The following PCDH17 variants were observed in gnomAD, a reference collection of about 807,000 sequenced individuals.
The protein encoded by PCDH17 is protocadherin 17.
Under a neutral mutation model 67.7 loss-of-function variants are expected in PCDH17, and 21 were observed. The observed-to-expected ratio is 0.31, with a 90% confidence interval of 0.22 to 0.45. PCDH17 has a LOEUF of 0.45. Ranked by LOEUF, PCDH17 falls within the 20% of genes least tolerant of loss-of-function variation. The pLI is 1.00. For synonymous variants in PCDH17, 701 were observed against 656.7 expected, an observed-to-expected ratio of 1.07 and a Z score of -1.03; for missense variants, 1,471 against 1,564.8, an observed-to-expected ratio of 0.94 and a Z score of 1.01.
chr13:57,650,604 G>A (rs921096327), intron 1 of PCDH17, among the ~76,000 whole-genome samples: 3 of 151,980 alleles, frequency 2.0e-5, no homozygotes, highest in Non-Finnish European at 2.9e-5. Flanking sequence ...ATTTGTCTTT[G>A]AGTTTAATTT....
intron 1 of PCDH17, among the ~76,000 whole-genome samples, chr13:57,636,388 G>T (rs1165180170): frequency 6.6e-6 from 1 of 152,054 alleles, no homozygotes; most frequent in African/African-American, 2.4e-5. Context: ...ACTCAATAAT[G>T]TTTTTATTGT....
At position 57,635,026 on chromosome 13, in the gene PCDH17, A is replaced by G. The variant is rs1234692693; in HGVS notation, c.2480A>G (p.Gln827Arg). The G allele has an allele frequency of 1.9e-6, 3 of 1,613,254 alleles. No individual in the cohort carries two copies. The Admixed American group carries it at 5.0e-5, about 27-fold the overall frequency. Residue 827 changes from glutamine (Q) to arginine (R), a missense_variant, in exon 1 of 4, where the codon CAG becomes CGG. Physicochemically the swap from Gln to Arg is conservative, Grantham distance 43 (BLOSUM62 1). Transcript: ENST00000377918. The stretch of plus-strand genomic sequence containing the variant: ...GCCTCCAACAACCTGACTGTCCCTC[A>G]GGGGCACGCGGGCTGCCACACCAGC... ...KPASNNLTVPQGHAGCHTSFT... is the reference protein window; with the variant it reads ...KPASNNLTVPRGHAGCHTSFT...
intron 3 of PCDH17, among the ~76,000 whole-genome samples, chr13:57,689,876 T>A (rs1955541870): frequency 6.6e-6 from 1 of 151,850 alleles, no homozygotes; most frequent in Admixed American, 6.6e-5. Flanking sequence ...TAATTACTTT[T>A]ATAATAGGCT....
chr13:57,656,133 T>C (rs1387140144), intron 1 of PCDH17, among the ~76,000 whole-genome samples: 1 of 152,086 alleles, frequency 6.6e-6, no homozygotes, highest in Non-Finnish European at 1.5e-5. Context: ...TTGAGAAGAA[T>C]GAATAATAAA....
At position 57,698,053 on chromosome 13, in the gene PCDH17, G is replaced by A. The variant is rs567989763; in HGVS notation, c.2798-26559G>A. Among the ~76,000 whole-genome samples, 4 of 151,590 alleles carry A rather than the reference G, an allele frequency of 2.6e-5. No individual in the cohort carries two copies. The East Asian group carries it at 7.8e-4, about 29-fold the overall frequency. On this transcript the variant is annotated intron_variant, in intron 3 of 3. Coordinates refer to ENST00000377918, the MANE Select transcript of PCDH17 (RefSeq NM_001040429.3). ...CAATGATAGTGAAAATTCATGCCTT[G>A]AAAAAGCCAGTATACATATGGTGTA...
chr13:57,690,591 C>T (rs61961889), intron 3 of PCDH17, among the ~76,000 whole-genome samples: 1 of 151,130 alleles, frequency 6.6e-6, no homozygotes, highest in Non-Finnish European at 1.5e-5. Context: ...AAATTATGCA[C>T]CTGAAACTAA....
Position 57,651,837 on chromosome 13 carries a change from ATAT to A in PCDH17, c.2566-14623_2566-14621del, listed in dbSNP as rs547994344. Among the ~76,000 whole-genome samples, 826 of 152,254 alleles carry A rather than the reference ATAT, an allele frequency of 5.4e-3. 10 individuals are homozygous for A. Among genetic ancestry groups the A allele is most frequent in the African/African-American group, 0.017 (694 of 41,554 alleles). On this transcript the variant is annotated intron_variant, in intron 1 of 3. Coordinates refer to ENST00000377918, the MANE Select transcript of PCDH17 (RefSeq NM_001040429.3). ...ATAAATACTAAATACATATTAACACATATTATTATTGTTGTTAAAAGCAAATTA... is the reference window on the plus strand; with the variant it reads ...ATAAATACTAAATACATATTAACACATATTATTGTTGTTAAAAGCAAATTA...
chr13:57,675,280 C>A (rs771090351), intron 3 of PCDH17, among the ~76,000 whole-genome samples: 2 of 151,914 alleles, frequency 1.3e-5, no homozygotes, highest in Non-Finnish European at 2.9e-5. Flanking sequence ...ATCTCTATTT[C>A]TCTTATTTGT....
At chr13:57,724,579 A>G in intron 3 of PCDH17, 33 bp from the exon 4 acceptor site, 1 of 1,556,718 alleles carries the variant, frequency 6.4e-7, no homozygotes. Flanking sequence ...AACTCTAATG[A>G]TTGGATTTGC....
chr13:57,688,108 A>G (rs1955524731), intron 3 of PCDH17, among the ~76,000 whole-genome samples: 1 of 151,750 alleles, frequency 6.6e-6, no homozygotes, highest in South Asian at 2.1e-4. Context: ...TAAAACCTTT[A>G]GAAGTCATGG....
chr13:57,724,833 G>A lies in PCDH17; in HGVS notation c.3019G>A (p.Glu1007Lys). 6.2e-7 allele frequency: 1 copy of A among 1,614,172 alleles called. No individual in the cohort carries two copies. The highest frequency in any genetic ancestry group is 1.3e-5 in the African/African-American group (1 of 75,046). Reference sequence around the variant, plus strand: ...TTGTACATTTGGAAAAGACAAGCGAGAGCACACTATTCTCATTGCCAACGT... The same window carrying A: ...TTGTACATTTGGAAAAGACAAGCGAAAGCACACTATTCTCATTGCCAACGT... ...TFCTFGKDKR[E>K]HTILIANVKP... Residue 1007 changes from glutamate (E) to lysine (K), a missense_variant, in exon 4 of 4, where the codon GAG (glutamate) becomes AAG (lysine). Physicochemically the swap from Glu to Lys is moderately conservative, Grantham distance 56 (BLOSUM62 1). Transcript: ENST00000377918.
chr13:57,705,732 T>C (rs938905686), intron 3 of PCDH17, among the ~76,000 whole-genome samples: 1 of 151,720 alleles, frequency 6.6e-6, no homozygotes, highest in Non-Finnish European at 1.5e-5. Context: ...TAAGCAAAAA[T>C]AGGGTAGGCA....
intron 3 of PCDH17, among the ~76,000 whole-genome samples, chr13:57,690,228 T>C (rs1409115913): frequency 6.6e-6 from 1 of 151,754 alleles, no homozygotes; most frequent in Non-Finnish European, 1.5e-5. Context: ...TCCATATTCA[T>C]GCTGGGTTTT....
chr13:57,661,014 T>C (rs1955175866), intron 1 of PCDH17, among the ~76,000 whole-genome samples: 1 of 152,116 alleles, frequency 6.6e-6, no homozygotes, highest in African/African-American at 2.4e-5. Flanking sequence ...TTTTTTAGGG[T>C]ATATCCCTAG....
At chr13:57,710,510 A>C (rs535721524) in intron 3 of PCDH17, among the ~76,000 whole-genome samples, 1 of 152,008 alleles carries the variant, frequency 6.6e-6, no homozygotes, top group South Asian at 2.1e-4. Flanking sequence ...ATCTTGGAAA[A>C]CACATTAACA....
Position 57,633,722 on chromosome 13 carries a change from A to C in PCDH17, c.1176A>C (p.Leu392=). ...GKNGQLQCRV[L]GGGGTGGGGG... ...ACGGACAGCTGCAGTGTCGGGTCCT[A>C]GGCGGAGGAGGGACGGGCGGCGGCG... is the stretch of plus-strand genomic sequence containing the variant. Residue 392 remains leucine (L), a synonymous_variant, in exon 1 of 4, where the codon CTA becomes CTC. Transcript: ENST00000377918. The surrounding 1 kb of genome is among the most constrained non-coding windows in gnomAD (Gnocchi z 6.2). 6.3e-7 allele frequency: 1 copy of C among 1,587,878 alleles called. No homozygotes were observed. Among genetic ancestry groups the C allele is most frequent in the South Asian group, 1.1e-5 (1 of 90,530 alleles).
chr13:57,681,629 A>T (rs569209785), intron 3 of PCDH17, among the ~76,000 whole-genome samples: 1 of 151,878 alleles, frequency 6.6e-6, no homozygotes, highest in South Asian at 2.1e-4. Flanking sequence ...TTAACACATT[A>T]ACACCATTTA....
intron 3 of PCDH17, among the ~76,000 whole-genome samples, chr13:57,720,175 A>G (rs913768355): frequency 2.0e-5 from 3 of 152,036 alleles, no homozygotes; most frequent in Admixed American, 2.0e-4. Flanking sequence ...TATCCTTAAG[A>G]TTAAGCTATT....
chr13:57,651,442 A>T (rs1037923066), intron 1 of PCDH17, among the ~76,000 whole-genome samples: 4 of 146,068 alleles, frequency 2.7e-5, no homozygotes, highest in Non-Finnish European at 5.9e-5. Context: ...GCTCATTGCA[A>T]TCCTTTCACA....
Sources: gnomAD v4.1 joint callset for allele counts (sites outside exome capture counted in the v4.1 genomes callset) on GRCh38, gnomAD v4.1.1 for gene constraint, Gnocchi (gnomAD v3.1) non-coding constraint, MANE v1.5 for transcripts, NCBI Gene and HGNC (gene_info 2026-07-23, HGNC 2026-07-21) for gene names.